Variants in TECPR2 observed in about 807,000 individuals in gnomAD.
TECPR2 encodes tectonin beta-propeller repeat containing 2.
Under a neutral mutation model 138.1 loss-of-function variants are expected in TECPR2, and 65 were observed. The ratio of observed to expected loss-of-function variants is 0.47; its 90% confidence interval spans 0.39 to 0.58. TECPR2 has a LOEUF of 0.58. Ranked by LOEUF, TECPR2 falls within the 20% of genes least tolerant of loss-of-function variation. The pLI is 0.00. For synonymous variants in TECPR2, 746 were observed against 749.8 expected (o/e 0.99, Z 0.08); for missense variants, 1,553 against 1,824.5 (o/e 0.85, Z 2.71).
chr14:102,407,301 A>T, intron 2 of TECPR2, 37 bp from the exon 3 acceptor site: 1 of 1,557,986 alleles, frequency 6.4e-7, no homozygotes, highest in South Asian at 1.2e-5. Context: ...CAAAGCCTGC[A>T]TAGTTACAGA....
intron 2 of TECPR2, among the ~76,000 whole-genome samples, chr14:102,387,802 A>G (rs1792140133): frequency 6.6e-6 from 1 of 152,200 alleles, no homozygotes; most frequent in Non-Finnish European, 1.5e-5. Flanking sequence ...CTGGGATTAC[A>G]GGCGTGAGCC....
At chr14:102,381,576 A>G (rs1370442369) in intron 2 of TECPR2, among the ~76,000 whole-genome samples, 1 of 152,206 alleles carries the variant, frequency 6.6e-6, no homozygotes, top group Non-Finnish European at 1.5e-5. Flanking sequence ...TCCATCTGAA[A>G]AATAAAATGA....
rs144704807 is a variant in TECPR2, at chr14:102,496,229, C to T, written c.3790-750C>T. Among the ~76,000 whole-genome samples the T allele has an allele frequency of 7.2e-4, 110 of 152,332 alleles. 1 individual carries two copies. Among genetic ancestry groups the T allele is most frequent in the African/African-American group, 2.5e-3 (105 of 41,578 alleles). ...CCAGGCAGTGGGGGACAGCCAGCCCCTCGGGGCTCGGGTCACCCACCAGCA... is the reference window on the plus strand; with the variant it reads ...CCAGGCAGTGGGGGACAGCCAGCCCTTCGGGGCTCGGGTCACCCACCAGCA... On this transcript the variant is annotated intron_variant, in intron 17 of 19. Coordinates refer to ENST00000359520, the MANE Select transcript of TECPR2 (RefSeq NM_014844.5).
intron 1 of TECPR2, among the ~76,000 whole-genome samples, chr14:102,367,994 C>CTTTTTTTT (rs56325877): frequency 1.5e-5 from 1 of 65,806 alleles, no homozygotes; most frequent in Admixed American, 1.9e-4. Flanking sequence ...GCTTATTGGC[C>CTTTTTTTT]TTTTTTTTTT....
chr14:102,431,340 AT>A (rs35092221), intron 7 of TECPR2, among the ~76,000 whole-genome samples: 10,411 of 111,538 alleles, frequency 0.093, 328 homozygotes, highest in African/African-American at 0.23. Flanking sequence ...GTTTTGGTGG[AT>A]TTTTTTTTTT....
rs560381475 is a variant in TECPR2, at chr14:102,440,726, C to T, written c.2752+117C>T. The T allele has an allele frequency of 1.3e-4, 159 of 1,240,858 alleles. 1 individual carries two copies. In the African/African-American group the frequency reaches 1.7e-3, roughly 13 times the overall value. 76.9% of individuals were successfully genotyped at this position (1,240,858 alleles called of 1,614,324 possible). A position where few individuals can be genotyped will look rare whatever the true frequency, so the allele number is the denominator to read the frequency against. ...CTATGATTAAGAGGCTAAATCCATTCGAATTAAGACACTTCTGGGAAGAGA... is the reference window on the plus strand; with the variant it reads ...CTATGATTAAGAGGCTAAATCCATTTGAATTAAGACACTTCTGGGAAGAGA... On this transcript the variant is annotated intron_variant, in intron 11 of 19. Transcript: ENST00000359520.
rs113771530 is a variant in TECPR2 at position 102,374,411 on chromosome 14, G to A, written c.-72-2239G>A. 7.1e-3 allele frequency among the ~76,000 whole-genome samples: 1,077 copies of A among 151,650 alleles called. 9 individuals are homozygous for A. The highest frequency in any genetic ancestry group is 0.048 in the Middle Eastern group (14 of 294). ...GAGACAGTGTCTCACTCTGTCACTC[G>A]GGCTAGAGTGCAGTGACACAGTCAT... is the stretch of plus-strand genomic sequence containing the variant. On this transcript the variant is annotated intron_variant, in intron 1 of 19. Transcript: ENST00000359520.
chr14:102,376,516 G>T (rs559857038), intron 1 of TECPR2, 134 bp from the exon 2 acceptor site: 1 of 577,740 alleles, frequency 1.7e-6, no homozygotes, highest in Non-Finnish European at 3.1e-6. Flanking sequence ...TTAGTGACAC[G>T]TGTTTACTTT....
At position 102,500,558 on chromosome 14, in the gene TECPR2, C is replaced by G. The variant is rs539378831; in HGVS notation, c.*2301C>G. The G allele has an allele frequency of 1.6e-3, 238 of 152,432 alleles. 1 individual carries two copies. Among genetic ancestry groups the G allele is most frequent in the Non-Finnish European group, 2.3e-3 (158 of 68,094 alleles). 9.4% of individuals were successfully genotyped at this position (152,432 alleles called of 1,614,324 possible). ...AAACCAGCACACGCAAAAGATGACG[C>G]CCAGCACAGCAGCAGGACACACCAT... On this transcript the variant is annotated 3_prime_UTR_variant, in exon 20 of 20. Coordinates refer to ENST00000359520, the MANE Select transcript of TECPR2 (RefSeq NM_014844.5).
chr14:102,498,159 C>G lies in TECPR2; in HGVS notation c.4138C>G (p.Leu1380Val), dbSNP rs761319295. 6.2e-7 allele frequency: 1 copy of G among 1,613,164 alleles called. No individual in the cohort carries two copies. The highest frequency in any genetic ancestry group is 8.5e-7 in the Non-Finnish European group (1 of 1,180,028). The stretch of plus-strand genomic sequence containing the variant: ...CCCGCCCGGCTACCTCCTCCAACGG[C>G]TGACAAAGACGTTCAGCCACTCGCA... ...VGPPGYLLQR[L>V]TKTFSHSHGT... Residue 1380 changes from leucine to valine, a missense_variant, in exon 20 of 20, where the codon CTG (leucine) becomes GTG (valine). Coordinates refer to ENST00000359520, the MANE Select transcript of TECPR2 (RefSeq NM_014844.5).
chr14:102,410,519 C>G (rs1354992292), intron 4 of TECPR2, among the ~76,000 whole-genome samples: 3 of 150,724 alleles, frequency 2.0e-5, no homozygotes, highest in African/African-American at 7.3e-5. Flanking sequence ...ACACACCTCA[C>G]CAAGCTCAGC....
intron 2 of TECPR2, among the ~76,000 whole-genome samples, chr14:102,404,301 G>C (rs1051759535): frequency 6.6e-6 from 1 of 151,756 alleles, no homozygotes; most frequent in Non-Finnish European, 1.5e-5. Flanking sequence ...TTTTGGCTTG[G>C]GAGTTTTAGA....
intron 4 of TECPR2, among the ~76,000 whole-genome samples, chr14:102,411,493 TTCCTGGCTCA>T (rs1379469288): frequency 6.6e-6 from 1 of 152,210 alleles, no homozygotes; most frequent in Non-Finnish European, 1.5e-5. Context: ...GAAAGTCCTT[TTCCTGGCTCA>T]TCCTGGCTCA....
chr14:102,480,467 G>A (rs1185695194), intron 17 of TECPR2, among the ~76,000 whole-genome samples: 1 of 151,912 alleles, frequency 6.6e-6, no homozygotes, highest in African/African-American at 2.4e-5. Flanking sequence ...CTTGTGATCC[G>A]CCTGCCTTGG....
intron 8 of TECPR2, among the ~76,000 whole-genome samples, chr14:102,433,762 C>T (rs988863864): frequency 3.3e-4 from 50 of 152,086 alleles, no homozygotes; most frequent in South Asian, 6.2e-4. Flanking sequence ...CCTAAGGTGG[C>T]CCACCCGCCT....
chr14:102,497,791 C>T, intron 19 of TECPR2, 72 bp downstream of exon 19: 1 of 1,472,306 alleles, frequency 6.8e-7, no homozygotes, highest in South Asian at 1.4e-5. Flanking sequence ...TGTCGGGGGG[C>T]TCTCAAAGAA....
chr14:102,483,351 C>A (rs572882200), intron 17 of TECPR2, among the ~76,000 whole-genome samples: 2 of 151,944 alleles, frequency 1.3e-5, no homozygotes, highest in Non-Finnish European at 2.9e-5. Flanking sequence ...TCCTCTTCTG[C>A]CCCGCCTCTC....
intron 2 of TECPR2, among the ~76,000 whole-genome samples, chr14:102,404,247 A>G (rs540133181): frequency 6.6e-6 from 1 of 152,234 alleles, no homozygotes; most frequent in African/African-American, 2.4e-5. Flanking sequence ...AAAGTAATTT[A>G]TAAGTTAATT....
At position 102,407,379 on chromosome 14, in the gene TECPR2, C is replaced by A; in HGVS notation, c.261C>A (p.Cys87Ter). Residue 87 changes from cysteine (C) to a stop codon, truncating the protein, a stop_gained, in exon 3 of 20, where the codon TGC becomes TGA. Coordinates refer to ENST00000359520, the MANE Select transcript of TECPR2 (RefSeq NM_014844.5). LOFTEE classifies it high-confidence loss of function. ...TCACTGTGGTGAAGCTGCTGAGCTG[C>A]TTTGATGACCTGGTGGCAGCAGGCA... Reference protein sequence around the residue: ...ESITVVKLLSCFDDLVAAGTA... With the variant: ...ESITVVKLLS 6.2e-7 allele frequency: 1 copy of A among 1,613,548 alleles called. No individual in the cohort carries two copies. Among genetic ancestry groups the A allele is most frequent in the South Asian group, 1.1e-5 (1 of 90,916 alleles).
Sources: allele counts gnomAD v4.1 joint callset (sites outside exome capture counted in the v4.1 genomes callset), GRCh38; gene constraint gnomAD v4.1.1; transcripts MANE v1.5; gene names NCBI Gene and HGNC (gene_info 2026-07-23, HGNC 2026-07-21).